PARD3: variants seen among roughly 807,000 people sequenced by gnomAD.
PARD3 encodes partitioning defective 3 homolog.
A neutral mutation model predicts 155.4 loss-of-function variants in PARD3; 75 were observed. The observed-to-expected ratio is 0.48, with a 90% confidence interval of 0.40 to 0.58. The LOEUF (loss-of-function observed/expected upper bound fraction) is 0.58, where lower values mean the gene tolerates loss of function less well. Ranked by LOEUF, PARD3 falls within the 20% of genes least tolerant of loss-of-function variation. The pLI is 0.00. For synonymous variants in PARD3, 576 were observed against 610.5 expected (o/e 0.94, Z 0.83); for missense variants, 1,642 against 1,721.7 (o/e 0.95, Z 0.82).
chr10:34,370,606 C>CT (rs1840487492), intron 12 of PARD3, among the ~76,000 whole-genome samples: 3 of 152,066 alleles, frequency 2.0e-5, no homozygotes, highest in Admixed American at 2.0e-4. Flanking sequence ...ATCTTTACTA[C>CT]TTAAAGCATC....
chr10:34,804,464 G>A (rs530653383), intron 1 of PARD3, among the ~76,000 whole-genome samples: 1 of 152,308 alleles, frequency 6.6e-6, no homozygotes, highest in East Asian at 1.9e-4. Flanking sequence ...AGTACATCAG[G>A]AACCAATATC....
At chr10:34,152,158 A>G (rs1402361205) in intron 22 of PARD3, among the ~76,000 whole-genome samples, 1 of 152,182 alleles carries the variant, frequency 6.6e-6, no homozygotes, top group Non-Finnish European at 1.5e-5. Context: ...ATTTTTCACA[A>G]GATCTTTCTT....
At chr10:34,631,630 A>T (rs906869180) in intron 2 of PARD3, among the ~76,000 whole-genome samples, 5 of 152,092 alleles carry the variant, frequency 3.3e-5, no homozygotes, top group Non-Finnish European at 5.9e-5. Context: ...AGGCAAATAT[A>T]TAATGTTCTG....
chr10:34,317,514 G>A (rs1036746098), intron 19 of PARD3, among the ~76,000 whole-genome samples, 176 bp from the exon 20 acceptor site: 2 of 152,190 alleles, frequency 1.3e-5, no homozygotes, highest in African/African-American at 4.8e-5. Flanking sequence ...AACATGTGAT[G>A]TGGATGCCTC....
chr10:34,576,917 C>T (rs1466466842), intron 2 of PARD3, among the ~76,000 whole-genome samples: 2 of 152,164 alleles, frequency 1.3e-5, no homozygotes, highest in Non-Finnish European at 1.5e-5. Context: ...AATCAATTAA[C>T]GTCATCAGCA....
chr10:34,126,151 G>C (rs934319967), intron 23 of PARD3, among the ~76,000 whole-genome samples: 4 of 152,142 alleles, frequency 2.6e-5, no homozygotes, highest in Non-Finnish European at 1.5e-5. Context: ...CTCAACTTGG[G>C]AGAGAATTCA....
intron 22 of PARD3, among the ~76,000 whole-genome samples, chr10:34,233,518 T>C (rs1953050191): frequency 6.6e-6 from 1 of 152,048 alleles, no homozygotes; most frequent in South Asian, 2.1e-4. Context: ...CTGTCCACCA[T>C]ATTCACATAT....
At chr10:34,526,162 T>C in intron 2 of PARD3, among the ~76,000 whole-genome samples, 1 of 151,064 alleles carries the variant, frequency 6.6e-6, no homozygotes. Flanking sequence ...AAATCTCTCT[T>C]TCTCTCATAC....
chr10:34,317,244 A>G lies in PARD3; in HGVS notation c.2928T>C (p.Asn976=). ...QPSHSLERQM[N]GNQEKGDKTD... ...TCTTATCACCTTTCTCTTGGTTTCC[A>G]TTCATTTGTCTCTCCAGAGAGTGGG... is the stretch of plus-strand genomic sequence containing the variant. The change falls in exon 20 of 25, where the codon AAT becomes AAC. Residue 976 remains asparagine, a synonymous_variant. Transcript: ENST00000374788. 3.7e-6 allele frequency: 6 copies of G among 1,613,048 alleles called. No individual in the cohort carries two copies. Among genetic ancestry groups the G allele is most frequent in the African/African-American group, 1.3e-5 (1 of 74,748 alleles).
chr10:34,371,163 T>A (rs987791557), intron 12 of PARD3, among the ~76,000 whole-genome samples: 1 of 152,206 alleles, frequency 6.6e-6, no homozygotes, highest in African/African-American at 2.4e-5. Context: ...AAGAGTAGTA[T>A]AAATTGCTAT....
intron 22 of PARD3, among the ~76,000 whole-genome samples, chr10:34,142,013 A>G (rs1472700577): frequency 2.6e-5 from 4 of 152,162 alleles, no homozygotes; most frequent in African/African-American, 9.7e-5. Flanking sequence ...TTGGTTTAAG[A>G]AACCATATTC....
intron 1 of PARD3, among the ~76,000 whole-genome samples, chr10:34,760,859 G>A (rs566636968): frequency 1.6e-4 from 25 of 152,262 alleles, no homozygotes; most frequent in Admixed American, 1.4e-3. Context: ...ACAGACAGCC[G>A]TGGAGATCCA....
At chr10:34,390,955 T>C (rs1842820108) in intron 7 of PARD3, among the ~76,000 whole-genome samples, 1 of 152,130 alleles carries the variant, frequency 6.6e-6, no homozygotes, top group African/African-American at 2.4e-5. Flanking sequence ...AAAATTACAA[T>C]AGAGAATGTC....
chr10:34,317,090 G>T lies in PARD3; in HGVS notation c.3065+17C>A. ...GTATGTTTAAGGAGATTCTGGTTTGGGATGGTAACGACTTACCTGAACATG... is the reference window on the plus strand; with the variant it reads ...GTATGTTTAAGGAGATTCTGGTTTGTGATGGTAACGACTTACCTGAACATG... On this transcript the variant is annotated intron_variant, in intron 20 of 24. Transcript: ENST00000374788. The T allele has an allele frequency of 1.3e-6, 2 of 1,536,546 alleles. No individual in the cohort carries two copies. Among genetic ancestry groups the T allele is most frequent in the Non-Finnish European group, 1.8e-6 (2 of 1,141,796 alleles).
chr10:34,127,431 G>T (rs572935031), intron 23 of PARD3, among the ~76,000 whole-genome samples: 1 of 152,270 alleles, frequency 6.6e-6, no homozygotes, highest in East Asian at 1.9e-4. Context: ...AACACCCCAT[G>T]CACACCCCTA....
chr10:34,203,352 G>T (rs1431017041), intron 22 of PARD3, among the ~76,000 whole-genome samples: 1 of 152,154 alleles, frequency 6.6e-6, no homozygotes, highest in Non-Finnish European at 1.5e-5. Context: ...CTGAGGTTAG[G>T]AAAGCTCCCA....
intron 4 of PARD3, among the ~76,000 whole-genome samples, chr10:34,460,833 AAAAAAT>A (rs763989931): frequency 6.6e-5 from 10 of 152,094 alleles, no homozygotes; most frequent in African/African-American, 1.2e-4. Context: ...ACTCGTCTCA[AAAAAAT>A]AAAAATAAAA....
At chr10:34,344,244 C>A in intron 15 of PARD3, 2 of 984,228 alleles carry the variant, frequency 2.0e-6, no homozygotes, top group Non-Finnish European at 2.4e-6. Context: ...GCTGACTATC[C>A]CTGTTGCTGG....
At chr10:34,586,088 A>T (rs369040777) in intron 2 of PARD3, among the ~76,000 whole-genome samples, 85 of 152,344 alleles carry the variant, frequency 5.6e-4, no homozygotes, top group African/African-American at 2.0e-3. Flanking sequence ...AAAAAAAGTA[A>T]GTCATATCAA....
Sources: gnomAD v4.1 joint callset for allele counts (sites outside exome capture counted in the v4.1 genomes callset) on GRCh38, gnomAD v4.1.1 for gene constraint, MANE v1.5 for transcripts, NCBI Gene and HGNC (gene_info 2026-07-23, HGNC 2026-07-21) for gene names.